Variants in ARCN1 observed in about 807,000 individuals in gnomAD.
The protein encoded by ARCN1 is archain 1 coat protein complex I subunit delta.
ARCN1 carries 5 observed loss-of-function variants against 60.4 expected under a neutral mutation model. That is an observed-to-expected ratio of 0.08 (90% confidence interval 0.04 to 0.17). ARCN1 has a LOEUF of 0.17. ARCN1 is among the 10% of genes least tolerant of loss of function. ARCN1 has a pLI of 1.00. For missense variants in ARCN1, 464 were observed against 626.5 expected, an observed-to-expected ratio of 0.74 and a Z score of 2.77; for synonymous variants, 224 against 220.0, an observed-to-expected ratio of 1.02 and a Z score of -0.16.
chr11:118,587,083 AAT>A (rs1488946847), intron 5 of ARCN1, among the ~76,000 whole-genome samples: 2 of 152,180 alleles, frequency 1.3e-5, no homozygotes, highest in African/African-American at 4.8e-5. Flanking sequence ...AGGATAACAA[AAT>A]ATTTTTTGTA....
intron 5 of ARCN1, among the ~76,000 whole-genome samples, chr11:118,587,120 C>T (rs925971006): frequency 3.9e-5 from 6 of 152,152 alleles, no homozygotes; most frequent in East Asian, 1.9e-4. Context: ...TCCAGCCAAA[C>T]GTATGTCTAT....
At chr11:118,595,806 G>A (rs1939012351) in intron 8 of ARCN1, among the ~76,000 whole-genome samples, 1 of 152,314 alleles carries the variant, frequency 6.6e-6, no homozygotes, top group South Asian at 2.1e-4. Flanking sequence ...AGTGGCTCAC[G>A]CCTGTAATCC....
At chr11:118,585,277 A>C (rs975709001) in intron 5 of ARCN1, among the ~76,000 whole-genome samples, 35 of 151,922 alleles carry the variant, frequency 2.3e-4, no homozygotes, top group African/African-American at 8.5e-4. Flanking sequence ...CTTTTTCCTT[A>C]AACCATGATT....
intron 9 of ARCN1, among the ~76,000 whole-genome samples, chr11:118,599,811 C>T (rs557770199): frequency 1.6e-4 from 24 of 152,212 alleles, no homozygotes; most frequent in African/African-American, 5.5e-4. Context: ...GCTTGTTGTT[C>T]TGGCCCTACC....
In ARCN1 at chr11:118,593,597, C is replaced by T. The variant is rs1555076660; in HGVS notation, c.1140C>T (p.Cys380=). The T allele has an allele frequency of 6.2e-7, 1 of 1,609,576 alleles. No homozygotes were observed. The highest frequency in any genetic ancestry group is 1.1e-5 in the South Asian group (1 of 90,954). ...EESFIPLTIN[C]WPSESGNGCD... Reference sequence around the variant, plus strand: ...GCTTTGCTTTCTCCTCAGTTAATTGCTGGCCCTCGGAGAGTGGAAATGGCT... The same window carrying T: ...GCTTTGCTTTCTCCTCAGTTAATTGTTGGCCCTCGGAGAGTGGAAATGGCT... Residue 380 remains cysteine, a synonymous_variant, in exon 8 of 10, where the codon TGC becomes TGT. Transcript: ENST00000264028.
In ARCN1 at chr11:118,577,254, T is replaced by C. The variant is rs553028025; in HGVS notation, c.4-3992T>C. On this transcript the variant is annotated intron_variant, in intron 1 of 9. Coordinates refer to ENST00000264028, the MANE Select transcript of ARCN1 (RefSeq NM_001655.5). ...TCTGTTTCTTTCTTTCTTTCTTTCTTTTTTTTTTTTGAGGCAGAGTCTCAC... is the reference window on the plus strand; with the variant it reads ...TCTGTTTCTTTCTTTCTTTCTTTCTCTTTTTTTTTTGAGGCAGAGTCTCAC... Among the ~76,000 whole-genome samples, 54 of 148,264 alleles carry C rather than the reference T, an allele frequency of 3.6e-4. 1 individual carries two copies. Among genetic ancestry groups the C allele is most frequent in the Non-Finnish European group, 6.8e-4 (45 of 66,666 alleles).
Position 118,597,847 on chromosome 11 carries a change from A to C in ARCN1, c.1382A>C (p.Gln461Pro), listed in dbSNP as rs1939062946. The C allele has an allele frequency of 6.2e-7, 1 of 1,614,120 alleles. No homozygotes were observed. The highest frequency in any genetic ancestry group is 1.3e-5 in the African/African-American group (1 of 74,942). The change falls in exon 9 of 10, where the codon CAG becomes CCG. Residue 461 changes from glutamine (Q) to proline (P), a missense_variant. Gln to Pro is a moderately conservative substitution (Grantham distance 76, BLOSUM62 -1). Around this residue, in one of 2 missense-constraint regions of ARCN1, gnomAD observed 359 missense variants for 440.2 expected, o/e 0.82. Coordinates refer to ENST00000264028, the MANE Select transcript of ARCN1 (RefSeq NM_001655.5). ...AGCCTGGAGTTTAGCATTGCTGGGC[A>C]GCCCAATGACTTCTTCCCTGTTCAA... Reference protein sequence around the residue: ...SGSLEFSIAGQPNDFFPVQVS... With the variant: ...SGSLEFSIAGPPNDFFPVQVS...
Position 118,581,505 on chromosome 11 carries a change from G to T in ARCN1, c.263G>T (p.Arg88Ile). ...EDLETLRLFS[R>I]VIPEYCRALE... is the part of the protein sequence containing the mutation. ...TTGGAGACCCTAAGGCTCTTCTCAA[G>T]AGTGGTAAGAGTACTGCTATAATAC... Residue 88 changes from arginine (R) to isoleucine (I), a missense_variant, in exon 2 of 10, where the codon AGA (arginine) becomes ATA (isoleucine). Physicochemically the swap from Arg to Ile is moderately conservative, Grantham distance 97. This residue lies in a region of ARCN1 where 105 missense variants were observed against 186.3 expected (regional missense o/e 0.56). Transcript: ENST00000264028. The T allele has an allele frequency of 6.2e-7, 1 of 1,609,230 alleles. No individual in the cohort carries two copies. The highest frequency in any genetic ancestry group is 1.1e-5 in the South Asian group (1 of 90,834).
Position 118,581,368 on chromosome 11 carries a change from T to C in ARCN1, c.126T>C (p.Thr42=), listed in dbSNP as rs1470863323. 4.3e-6 allele frequency: 7 copies of C among 1,614,080 alleles called. No homozygotes were observed. Among genetic ancestry groups the C allele is most frequent in the Admixed American group, 1.7e-5 (1 of 59,990 alleles). ...LLAAFPKLMN[T]GKQHTFVETE... is the part of the protein sequence containing the mutation. ...CAGCTTTTCCAAAGCTCATGAACACTGGAAAACAACATACGTTTGTTGAAA... is the reference window on the plus strand; with the variant it reads ...CAGCTTTTCCAAAGCTCATGAACACCGGAAAACAACATACGTTTGTTGAAA... The change falls in exon 2 of 10, where the codon ACT becomes ACC. Residue 42 remains threonine, a synonymous_variant. Transcript: ENST00000264028.
chr11:118,598,062 T>C, intron 9 of ARCN1, 151 bp downstream of exon 9: 1 of 718,324 alleles, frequency 1.4e-6, no homozygotes, highest in Non-Finnish European at 2.3e-6. Context: ...TTCTAATTCA[T>C]TGTATGATCG....
intron 1 of ARCN1, chr11:118,572,982 C>G (rs371632165): frequency 5.1e-6 from 1 of 195,710 alleles, no homozygotes; most frequent in South Asian, 1.7e-4. Flanking sequence ...GAGCTTGTCT[C>G]CCACCCCCGG....
intron 1 of ARCN1, among the ~76,000 whole-genome samples, chr11:118,575,213 C>T (rs556893406): frequency 1.3e-5 from 2 of 152,216 alleles, no homozygotes; most frequent in African/African-American, 4.8e-5. Flanking sequence ...CTCCTCACCT[C>T]GTGATCTGCC....
At chr11:118,589,084 G>C (rs1938839736) in intron 5 of ARCN1, among the ~76,000 whole-genome samples, 1 of 152,180 alleles carries the variant, frequency 6.6e-6, no homozygotes, top group Admixed American at 6.5e-5. Flanking sequence ...TAATGGTACT[G>C]TGATTGATTA....
chr11:118,598,866 G>T (rs1367732951), intron 9 of ARCN1, among the ~76,000 whole-genome samples: 4 of 151,272 alleles, frequency 2.6e-5, no homozygotes, highest in African/African-American at 9.7e-5. Context: ...ACATGATCTC[G>T]GCCCACTGCA....
chr11:118,594,007 A>G (rs1938971522), intron 8 of ARCN1: 1 of 220,598 alleles, frequency 4.5e-6, no homozygotes, highest in African/African-American at 2.3e-5. Context: ...TTGGCAGCAC[A>G]GGTACTAAAA....
chr11:118,601,970 C>T lies in ARCN1; in HGVS notation c.*1256C>T. On this transcript the variant is annotated 3_prime_UTR_variant, in exon 10 of 10. Coordinates refer to ENST00000264028, the MANE Select transcript of ARCN1 (RefSeq NM_001655.5). ...GTAATCCATTCACATTCCTCAGTTTCACCACCTCCCTCTTCCAGACTGCAC... is the reference window on the plus strand; with the variant it reads ...GTAATCCATTCACATTCCTCAGTTTTACCACCTCCCTCTTCCAGACTGCAC... The T allele has an allele frequency of 6.0e-6, 3 of 496,810 alleles. No individual in the cohort carries two copies. The South Asian group carries it at 8.1e-5, about 13-fold the overall frequency. 30.8% of individuals were successfully genotyped at this position (496,810 alleles called of 1,614,324 possible).
At chr11:118,581,933 G>GACACACACACACACACACACACACACAC in intron 2 of ARCN1, among the ~76,000 whole-genome samples, 1 of 132,224 alleles carries the variant, frequency 7.6e-6, no homozygotes, top group South Asian at 2.3e-4. Flanking sequence ...CAGACAGACA[G>GACACACACACACACACACACACACACAC]ACAGACACAC....
chr11:118,590,305 A>C, intron 5 of ARCN1, 36 bp from the exon 6 acceptor site: 1 of 1,586,400 alleles, frequency 6.3e-7, no homozygotes, highest in Non-Finnish European at 8.6e-7. Flanking sequence ...ATTGGTTTCT[A>C]CCTTTCTGAA....
In ARCN1 at chr11:118,601,976, C is replaced by T. The variant is rs571328232; in HGVS notation, c.*1262C>T. 3.7e-5 allele frequency: 18 copies of T among 484,478 alleles called. No individual in the cohort carries two copies. Among genetic ancestry groups the T allele is most frequent in the Admixed American group, 1.8e-4 (5 of 28,024 alleles). 30.0% of individuals were successfully genotyped at this position (484,478 alleles called of 1,614,324 possible). A position where few individuals can be genotyped will look rare whatever the true frequency, so the allele number is the denominator to read the frequency against. On this transcript the variant is annotated 3_prime_UTR_variant, in exon 10 of 10. Coordinates refer to ENST00000264028, the MANE Select transcript of ARCN1 (RefSeq NM_001655.5). ...CATTCACATTCCTCAGTTTCACCAC[C>T]TCCCTCTTCCAGACTGCACTCTCTG...
Sources: gnomAD v4.1 joint callset for allele counts (sites outside exome capture counted in the v4.1 genomes callset) on GRCh38, gnomAD v4.1.1 for gene constraint, gnomAD v4.1.1 regional missense constraint, MANE v1.5 for transcripts, NCBI Gene and HGNC (gene_info 2026-07-23, HGNC 2026-07-21) for gene names.